ABR: variants seen among roughly 807,000 people sequenced by gnomAD.
ABR encodes the protein ABR activator of RhoGEF and GTPase, also known as active breakpoint cluster region-related protein.
ABR carries 35 observed loss-of-function variants against 107.2 expected under a neutral mutation model. That is an observed-to-expected ratio of 0.33 (90% confidence interval 0.25 to 0.43). The LOEUF is 0.43. ABR is among the 20% of genes least tolerant of loss of function. The pLI is 1.00. For synonymous variants in ABR, 498 were observed against 462.0 expected, an observed-to-expected ratio of 1.08 and a Z score of -1.00; for missense variants, 815 against 1,115.2, an observed-to-expected ratio of 0.73 and a Z score of 3.83.
At chr17:1,007,859 G>A (rs966259755) in intron 21 of ABR, among the ~76,000 whole-genome samples, 1 of 152,246 alleles carries the variant, frequency 6.6e-6, no homozygotes, top group Non-Finnish European at 1.5e-5. Flanking sequence ...GTTAAGGTGG[G>A]TGGGGCAGGG....
At chr17:1,008,092 G>A (rs894671774) in intron 21 of ABR, among the ~76,000 whole-genome samples, 3 of 151,224 alleles carry the variant, frequency 2.0e-5, no homozygotes, top group Admixed American at 6.5e-5. Context: ...ATGCCTCTCC[G>A]TCTGCCTCGT....
At chr17:1,143,425 GACA>G (rs2040392951) in intron 1 of ABR, among the ~76,000 whole-genome samples, 2 of 60,980 alleles carry the variant, frequency 3.3e-5, no homozygotes, top group South Asian at 7.8e-4. Context: ...GCTCCTGGGG[GACA>G]GCTCATTCCT....
intron 1 of ABR, among the ~76,000 whole-genome samples, chr17:1,165,958 C>G (rs910331355): frequency 1.3e-5 from 2 of 151,962 alleles, no homozygotes; most frequent in Non-Finnish European, 2.9e-5. Flanking sequence ...AGAGCCCACG[C>G]AGATGACCTC....
chr17:1,114,056 G>A (rs904458421), intron 2 of ABR, among the ~76,000 whole-genome samples: 15 of 151,684 alleles, frequency 9.9e-5, no homozygotes, highest in East Asian at 3.9e-4. Flanking sequence ...TTGTGGTCCC[G>A]GCTTCTTGGG....
chr17:1,006,022 T>G lies in ABR; in HGVS notation c.*58A>C. 1.4e-6 allele frequency: 2 copies of G among 1,440,178 alleles called. No homozygotes were observed. Among genetic ancestry groups the G allele is most frequent in the Non-Finnish European group, 1.9e-6 (2 of 1,046,076 alleles). 89.2% of individuals were successfully genotyped at this position (1,440,178 alleles called of 1,614,324 possible). A position where few individuals can be genotyped will look rare whatever the true frequency, so the allele number is the denominator to read the frequency against. On this transcript the variant is annotated 3_prime_UTR_variant, in exon 23 of 23. Coordinates refer to ENST00000302538, the MANE Select transcript of ABR (RefSeq NM_021962.5). ...CTATTGCAGTCTTTCAAGTCTGAGT[T>G]GGACCCCAGGCTGGAGGGGCTGGTT... is the stretch of plus-strand genomic sequence containing the variant.
intron 16 of ABR, among the ~76,000 whole-genome samples, chr17:1,034,448 G>T (rs566851081): frequency 6.8e-4 from 104 of 152,168 alleles, no homozygotes; most frequent in African/African-American, 2.4e-3. Context: ...CACCTACTAG[G>T]CACCACGCCC....
intron 2 of ABR, among the ~76,000 whole-genome samples, chr17:1,124,176 G>C (rs2258742): frequency 0.83 from 126,499 of 151,890 alleles, 52,783 homozygotes; most frequent in Admixed American, 0.9. Flanking sequence ...GGGTGGCCGG[G>C]GGGGCTGGAA....
upstream of ABR, among the ~76,000 whole-genome samples, chr17:1,190,381 C>G (rs1263482698): frequency 3.3e-5 from 5 of 152,220 alleles, no homozygotes; most frequent in African/African-American, 1.2e-4. Context: ...CGCCTGTAAT[C>G]CCAGCACTTT....
Position 1,214,694 on chromosome 17 carries a change from G to A in ABR, c.838+14099C>T, listed in dbSNP as rs181001720. On this transcript the variant is annotated intron_variant, in intron 1 of 22. Transcript: ENST00000574139. The stretch of plus-strand genomic sequence containing the variant: ...CACATGCCTGTAATCCCAGCTACTC[G>A]GGAGGCTGAGGCAGGAGAATCGCTT... 7.6e-4 allele frequency among the ~76,000 whole-genome samples: 115 copies of A among 152,202 alleles called. 1 individual carries two copies. Among genetic ancestry groups the A allele is most frequent in the Admixed American group, 1.2e-3 (18 of 15,276 alleles).
intron 4 of ABR, among the ~76,000 whole-genome samples, chr17:1,085,572 T>C (rs1803038902): frequency 6.6e-6 from 1 of 152,092 alleles, no homozygotes; most frequent in Non-Finnish European, 1.5e-5. Context: ...GCTTAGCAAA[T>C]CCACTTTTAC....
intron 5 of ABR, among the ~76,000 whole-genome samples, chr17:1,082,941 C>G (rs971364232): frequency 6.6e-6 from 1 of 151,882 alleles, no homozygotes; most frequent in African/African-American, 2.4e-5. Flanking sequence ...CTGGCCAACA[C>G]GGCAAAACCT....
At chr17:1,193,630 A>C (rs993436230) in intron 1 of ABR, among the ~76,000 whole-genome samples, 1 of 152,154 alleles carries the variant, frequency 6.6e-6, no homozygotes, top group Non-Finnish European at 1.5e-5. Flanking sequence ...CCAGCACGCC[A>C]GGGAGTACTG....
At chr17:1,228,893 G>C (rs2043276411) in exon 1 of ABR, 2 of 151,708 alleles carry the variant, frequency 1.3e-5, no homozygotes, top group South Asian at 2.1e-4. Flanking sequence ...GCACCCGCAG[G>C]AACCTGCGGC....
rs147748020 is a variant in ABR at position 1,057,584 on chromosome 17, C to T, written c.1381+386G>A. 3.9e-3 allele frequency among the ~76,000 whole-genome samples: 584 copies of T among 150,006 alleles called. 3 individuals carry two copies. Among genetic ancestry groups the T allele is most frequent in the African/African-American group, 0.013 (549 of 40,712 alleles). Reference sequence around the variant, plus strand: ...GTAGAGACGGGGTTTCACCACGTTGCCCAGGCTGATCTCAAACTCCTGACT... The same window carrying T: ...GTAGAGACGGGGTTTCACCACGTTGTCCAGGCTGATCTCAAACTCCTGACT... On this transcript the variant is annotated intron_variant, in intron 12 of 22. Transcript: ENST00000302538.
chr17:1,142,359 CG>C (rs955833630), intron 1 of ABR, among the ~76,000 whole-genome samples: 74 of 151,916 alleles, frequency 4.9e-4, no homozygotes, highest in African/African-American at 1.7e-3. Context: ...CCGAGGCAGG[CG>C]GATCACCTGA....
At position 1,196,128 on chromosome 17, in the gene ABR, CAAAAA is replaced by C. The variant is rs71148443; in HGVS notation, c.838+32660_838+32664del. 1.6e-5 allele frequency among the ~76,000 whole-genome samples: 2 copies of C among 123,892 alleles called. 1 individual carries two copies. The highest frequency in any genetic ancestry group is 6.4e-5 in the African/African-American group (2 of 31,348). 81.3% of individuals were successfully genotyped at this position (123,892 alleles called of 152,430 possible). On this transcript the variant is annotated intron_variant, in intron 1 of 22. Coordinates refer to the ABR transcript ENST00000574139. ...TGAGCAACAGAGCGAGATTCTGTCTCAAAAAAAAAAAAAAAAATAGGCAAGGTGCG... is the reference window on the plus strand; with the variant it reads ...TGAGCAACAGAGCGAGATTCTGTCTCAAAAAAAAAAAATAGGCAAGGTGCG...
rs2040960362 is a variant in ABR, at chr17:1,154,490, T to A, written c.61+25177A>T. ...TCCATGGTGCCGGCCAGCCCCTTCC[T>A]CCCAGCTTTCCATCCCACTCCACAA... On this transcript the variant is annotated intron_variant, in intron 1 of 22. Coordinates refer to ENST00000302538, the MANE Select transcript of ABR (RefSeq NM_021962.5). The surrounding 1 kb of genome is among the most constrained non-coding windows in gnomAD (Gnocchi z 4.0). 6.6e-6 allele frequency: 1 copy of A among 152,440 alleles called. No individual in the cohort carries two copies. The allele number at this position is 152,440 out of a possible 1,614,324, so 9.4% of individuals were successfully genotyped here.
intron 1 of ABR, among the ~76,000 whole-genome samples, chr17:1,176,909 A>G (rs542835148): frequency 7.3e-4 from 111 of 152,152 alleles, no homozygotes; most frequent in African/African-American, 2.5e-3. Context: ...GAAAGTGACT[A>G]TCCCAGTGCC....
intron 2 of ABR, among the ~76,000 whole-genome samples, chr17:1,120,239 T>C (rs1394969611): frequency 2.0e-5 from 3 of 148,520 alleles, no homozygotes; most frequent in Non-Finnish European, 3.0e-5. Flanking sequence ...AAGAGGATGA[T>C]AGGGACAATG....
Sources: gnomAD v4.1 joint callset for allele counts (sites outside exome capture counted in the v4.1 genomes callset) on GRCh38, gnomAD v4.1.1 for gene constraint, Gnocchi (gnomAD v3.1) non-coding constraint, MANE v1.5 for transcripts, NCBI Gene and HGNC (gene_info 2026-07-23, HGNC 2026-07-21) for gene names.